The following MARCHF1 variants were observed in gnomAD, a reference collection of about 807,000 sequenced individuals.
MARCHF1 encodes the protein membrane associated ring-CH-type finger 1.
In MARCHF1, 40 loss-of-function variants were observed where a neutral mutation model predicts 54.2. That is an observed-to-expected ratio of 0.74 (90% CI 0.57 to 0.96). The LOEUF (loss-of-function observed/expected upper bound fraction) is 0.96, where lower values mean the gene tolerates loss of function less well. Among genes scored for constraint, MARCHF1 ranks in the 40% least tolerant of loss-of-function variants. The pLI, the probability that MARCHF1 is intolerant of heterozygous loss-of-function variation, is 0.00. For missense variants in MARCHF1, 586 were observed against 656.5 expected (o/e 0.89, Z 1.17); for synonymous variants, 236 against 236.3 (o/e 1.00, Z 0.01).
chr4:163,889,516 G>A (rs1429970219), intron 3 of MARCHF1, among the ~76,000 whole-genome samples: 2 of 152,048 alleles, frequency 1.3e-5, no homozygotes, highest in Non-Finnish European at 2.9e-5. Context: ...TCACCATGTA[G>A]TACAGCCAAA....
chr4:163,873,995 T>A (rs1750235881), intron 3 of MARCHF1, among the ~76,000 whole-genome samples: 1 of 152,234 alleles, frequency 6.6e-6, no homozygotes, highest in South Asian at 2.1e-4. Flanking sequence ...CTCTTATTTT[T>A]TAAAGAATTT....
chr4:164,106,569 G>A (rs1303778780), intron 2 of MARCHF1, among the ~76,000 whole-genome samples: 1 of 143,090 alleles, frequency 7.0e-6, no homozygotes, highest in Non-Finnish European at 1.5e-5. Context: ...TGAACAATGA[G>A]ATCACATGGA....
intron 4 of MARCHF1, among the ~76,000 whole-genome samples, chr4:163,827,841 CT>C (rs1579318743): frequency 6.6e-6 from 1 of 152,186 alleles, no homozygotes; most frequent in East Asian, 1.9e-4. Context: ...CAAGACCTTT[CT>C]TTTTCTTGAC....
At chr4:163,969,072 G>A (rs1350926942) in intron 3 of MARCHF1, among the ~76,000 whole-genome samples, 4 of 152,118 alleles carry the variant, frequency 2.6e-5, no homozygotes, top group African/African-American at 4.8e-5. Flanking sequence ...ACACAGTAAG[G>A]TGAGTTTGGA....
chr4:164,003,298 C>T (rs1347084220), intron 2 of MARCHF1, among the ~76,000 whole-genome samples: 1 of 151,374 alleles, frequency 6.6e-6, no homozygotes, highest in Non-Finnish European at 1.5e-5. Flanking sequence ...ACAAAAAGAA[C>T]AAGTAAAAAA....
intron 3 of MARCHF1, among the ~76,000 whole-genome samples, chr4:163,873,061 A>AC (rs1750210152): frequency 7.5e-6 from 1 of 133,424 alleles, no homozygotes; most frequent in Non-Finnish European, 1.7e-5. Flanking sequence ...AAACAAACAA[A>AC]CAAACAAAAA....
chr4:164,231,463 G>C (rs1263481489), intron 1 of MARCHF1, among the ~76,000 whole-genome samples: 3 of 152,112 alleles, frequency 2.0e-5, no homozygotes, highest in African/African-American at 7.2e-5. Flanking sequence ...GATCAAAACA[G>C]AACAAATCTA....
At chr4:164,338,333 AAAGG>A (rs1316692648) in intron 1 of MARCHF1, among the ~76,000 whole-genome samples, 2 of 152,178 alleles carry the variant, frequency 1.3e-5, no homozygotes, top group African/African-American at 4.8e-5. Flanking sequence ...ATAAAATCAC[AAAGG>A]AAGGCAGCAA....
intron 1 of MARCHF1, among the ~76,000 whole-genome samples, chr4:164,212,097 A>C (rs1232556559): frequency 6.6e-6 from 1 of 152,046 alleles, no homozygotes; most frequent in East Asian, 1.9e-4. Context: ...TAAAAAATGG[A>C]AGAGGAGGAT....
intron 4 of MARCHF1, among the ~76,000 whole-genome samples, chr4:163,755,130 A>G (rs1746629536): frequency 6.6e-6 from 1 of 152,206 alleles, no homozygotes; most frequent in African/African-American, 2.4e-5. Flanking sequence ...AGTATCTACA[A>G]TGCAAAGATA....
chr4:163,895,907 C>T (rs569824480), intron 3 of MARCHF1, among the ~76,000 whole-genome samples: 2 of 152,238 alleles, frequency 1.3e-5, no homozygotes, highest in South Asian at 4.2e-4. Context: ...GACCCCCCCA[C>T]TGCCCCACAA....
At chr4:164,277,887 T>A (rs569948817) in intron 1 of MARCHF1, among the ~76,000 whole-genome samples, 2 of 152,346 alleles carry the variant, frequency 1.3e-5, no homozygotes, top group African/African-American at 4.8e-5. Flanking sequence ...AGAATTAATA[T>A]TCCTTTAAAT....
At chr4:164,357,099 GAACTT>G (rs1730576515) in intron 1 of MARCHF1, among the ~76,000 whole-genome samples, 2 of 141,816 alleles carry the variant, frequency 1.4e-5, no homozygotes, top group Admixed American at 1.5e-4. Flanking sequence ...ATGCACCCCT[GAACTT>G]AAGTTTTTTT....
chr4:164,246,548 C>T (rs1732955516), intron 1 of MARCHF1, among the ~76,000 whole-genome samples: 1 of 46,250 alleles, frequency 2.2e-5, no homozygotes, highest in Admixed American at 2.5e-4. Flanking sequence ...TGGGCAAGGA[C>T]TTCATGTCTA....
rs114295596 is a variant in MARCHF1, at chr4:164,009,025, C to T, written c.-247-20316G>A. ...ACAAACACCAAATGAAACATAAACA[C>T]GGTGTTTGGAAAAAATTAAAAAATT... On this transcript the variant is annotated intron_variant, in intron 2 of 9. Transcript: ENST00000514618. Among the ~76,000 whole-genome samples the T allele has an allele frequency of 6.1e-4, 92 of 151,906 alleles. 1 individual carries two copies. The highest frequency in any genetic ancestry group is 2.1e-3 in the African/African-American group (86 of 41,494).
chr4:163,840,404 T>G (rs1285102756), intron 4 of MARCHF1, among the ~76,000 whole-genome samples: 1 of 152,094 alleles, frequency 6.6e-6, no homozygotes, highest in African/African-American at 2.4e-5. Context: ...ATTCAACTTT[T>G]ATTTGATTTG....
intron 5 of MARCHF1, among the ~76,000 whole-genome samples, chr4:163,674,694 T>C (rs971187676): frequency 6.6e-6 from 1 of 152,184 alleles, no homozygotes; most frequent in African/African-American, 2.4e-5. Flanking sequence ...AATGCCACTA[T>C]GGGTTAAACT....
intron 1 of MARCHF1, among the ~76,000 whole-genome samples, chr4:164,312,396 C>T (rs1274676119): frequency 7.0e-6 from 1 of 143,094 alleles, no homozygotes; most frequent in Non-Finnish European, 1.5e-5. Flanking sequence ...AATCTCAGCT[C>T]ACTGCAAGCT....
rs929146373 is a variant in MARCHF1, at chr4:163,824,951, A to T, written c.111+29070T>A. 2.7e-5 allele frequency among the ~76,000 whole-genome samples: 4 copies of T among 150,090 alleles called. No homozygotes were observed. In the Admixed American group the frequency reaches 2.7e-4, roughly 10 times the overall value. ...CAAAACCACAATGAGATACCATCTCACACCAGTTAGAATGGCAATCATTCA... is the reference window on the plus strand; with the variant it reads ...CAAAACCACAATGAGATACCATCTCTCACCAGTTAGAATGGCAATCATTCA... On this transcript the variant is annotated intron_variant, in intron 4 of 9. Transcript: ENST00000514618.
Sources: gnomAD v4.1 joint callset for allele counts (sites outside exome capture counted in the v4.1 genomes callset) on GRCh38, gnomAD v4.1.1 for gene constraint, MANE v1.5 for transcripts, NCBI Gene and HGNC (gene_info 2026-07-23, HGNC 2026-07-21) for gene names.